The following PEX26 variants were observed in gnomAD, a reference collection of about 807,000 sequenced individuals.
PEX26 encodes peroxisomal biogenesis factor 26, also known as peroxisome assembly protein 26.
Under a neutral mutation model 31.4 loss-of-function variants are expected in PEX26, and 18 were observed. The observed-to-expected ratio is 0.57, with a 90% confidence interval of 0.40 to 0.85. The LOEUF is 0.85. PEX26 is among the 40% of genes least tolerant of loss of function. The pLI, the probability that PEX26 is intolerant of heterozygous loss-of-function variation, is 0.00. For synonymous variants in PEX26, 176 were observed against 166.9 expected, an observed-to-expected ratio of 1.05 and a Z score of -0.42; for missense variants, 377 against 383.9, an observed-to-expected ratio of 0.98 and a Z score of 0.15.
At chr22:18,087,706 C>G (rs949149904) in intron 4 of PEX26, among the ~76,000 whole-genome samples, 1 of 152,178 alleles carries the variant, frequency 6.6e-6, no homozygotes, top group Non-Finnish European at 1.5e-5. Flanking sequence ...GCAGCAGGCC[C>G]GACTCATTGG....
rs191578204 is a variant in PEX26 at position 18,101,936 on chromosome 22, T to C, written c.*13861T>C. 264 of 155,328 alleles carry C rather than the reference T, an allele frequency of 1.7e-3. No individual in the cohort carries two copies. Among genetic ancestry groups the C allele is most frequent in the Middle Eastern group, 9.2e-3 (3 of 326 alleles). The allele number at this position is 155,328 out of a possible 1,614,324, so 9.6% of individuals were successfully genotyped here. On this transcript the variant is annotated 3_prime_UTR_variant, in exon 5 of 5. Transcript: ENST00000399744. ...TGCCCAGAAGTCTCATCTTAGGTGG[T>C]TGAGTAGGAAGTTTGTGAAGCAGGT...
Position 18,102,235 on chromosome 22 carries a change from G to A in PEX26, c.*14160G>A, listed in dbSNP as rs1478493460. 1 of 152,250 alleles carries A rather than the reference G, an allele frequency of 6.6e-6. No individual in the cohort carries two copies. Among genetic ancestry groups the A allele is most frequent in the Non-Finnish European group, 1.5e-5 (1 of 68,106 alleles). The allele number at this position is 152,250 out of a possible 1,614,324, so 9.4% of individuals were successfully genotyped here. On this transcript the variant is annotated 3_prime_UTR_variant, in exon 5 of 5. Coordinates refer to ENST00000399744, the MANE Select transcript of PEX26 (RefSeq NM_001127649.3). ...ACAGCAGTCTGATTCAAAAGCACCT[G>A]AGAGATGGGAGGAGTACTAGGGTTA... is the stretch of plus-strand genomic sequence containing the variant.
chr22:18,085,104 CT>C lies in PEX26; in HGVS notation c.668-7del, dbSNP rs1399742637. 6.2e-7 allele frequency: 1 copy of C among 1,613,976 alleles called. No individual in the cohort carries two copies. The highest frequency in any genetic ancestry group is 1.7e-5 in the Admixed American group (1 of 60,014). ...ATCCCTGAAGCTGTGCTCTGTCTCC[CT>C]GGCCAGGCTCTGTCTCCCACAAGTT... is the stretch of plus-strand genomic sequence containing the variant. On this transcript the variant is annotated splice_region_variant and splice_polypyrimidine_tract_variant and intron_variant, in intron 3 of 4. Coordinates refer to ENST00000399744, the MANE Select transcript of PEX26 (RefSeq NM_001127649.3).
At chr22:18,086,077 C>T (rs1033116607) in intron 4 of PEX26, among the ~76,000 whole-genome samples, 2 of 151,982 alleles carry the variant, frequency 1.3e-5, no homozygotes, top group African/African-American at 4.8e-5. Flanking sequence ...GAGGGTGGAT[C>T]ACCTGAGGTC....
intron 4 of PEX26, among the ~76,000 whole-genome samples, chr22:18,087,053 C>T (rs1926869703): frequency 6.6e-6 from 1 of 152,128 alleles, no homozygotes; most frequent in Admixed American, 6.5e-5. Flanking sequence ...ACTGGGACTA[C>T]AGGCATGTGC....
rs767551808 is a variant in PEX26, at chr22:18,078,492, A to C, written c.116A>C (p.Glu39Ala). ...PARAPAVDLL[E>A]EAADLLVVHL... ...CGGGCGCCGGCCGTGGACCTTCTGGAGGAGGCGGCCGACCTCCTGGTGGTG... is the reference window on the plus strand; with the variant it reads ...CGGGCGCCGGCCGTGGACCTTCTGGCGGAGGCGGCCGACCTCCTGGTGGTG... The change falls in exon 1 of 5, where the codon GAG (glutamate) becomes GCG (alanine). Residue 39 changes from glutamate to alanine, a missense_variant. Transcript: ENST00000399744. The C allele has an allele frequency of 6.4e-7, 1 of 1,571,968 alleles. No homozygotes were observed.
intron 2 of PEX26, among the ~76,000 whole-genome samples, 196 bp downstream of exon 2, chr22:18,080,210 T>C (rs1926501862): frequency 6.6e-6 from 1 of 151,982 alleles, no homozygotes; most frequent in Non-Finnish European, 1.5e-5. Flanking sequence ...AGAATAGATA[T>C]AAAGAAGGGA....
rs757200331 is a variant in PEX26 at position 18,078,609 on chromosome 22, A to G, written c.230+3A>G. ...GTGGCAGAGGAACCCGCGGGCACGTACGTGCTGGGCTCGGAAATGAACCGA... is the reference window on the plus strand; with the variant it reads ...GTGGCAGAGGAACCCGCGGGCACGTGCGTGCTGGGCTCGGAAATGAACCGA... On this transcript the variant is annotated splice_donor_region_variant and intron_variant, in intron 1 of 4. Transcript: ENST00000399744. The G allele has an allele frequency of 3.8e-6, 6 of 1,597,600 alleles. No individual in the cohort carries two copies. In the Admixed American group the frequency reaches 8.5e-5, roughly 23 times the overall value.
intron 3 of PEX26, 138 bp downstream of exon 3, chr22:18,083,870 C>A: frequency 1.2e-6 from 1 of 812,004 alleles, no homozygotes; most frequent in South Asian, 1.6e-5. Flanking sequence ...AATAGGAGGC[C>A]TGTTGATTTG....
At chr22:18,085,733 G>T (rs895617904) in intron 4 of PEX26, among the ~76,000 whole-genome samples, 1 of 152,138 alleles carries the variant, frequency 6.6e-6, no homozygotes, top group South Asian at 2.1e-4. Flanking sequence ...TTAGCCAGGT[G>T]TAGTGGCACA....
At chr22:18,083,210 C>G (rs1926689566) in intron 2 of PEX26, among the ~76,000 whole-genome samples, 1 of 152,186 alleles carries the variant, frequency 6.6e-6, no homozygotes, top group African/African-American at 2.4e-5. Context: ...GCATCTTTGT[C>G]TTGCTCCTGA....
rs892829887 is a variant in PEX26, at chr22:18,083,803, G to A, written c.667+71G>A. On this transcript the variant is annotated intron_variant, in intron 3 of 4. Coordinates refer to ENST00000399744, the MANE Select transcript of PEX26 (RefSeq NM_001127649.3). ...CTTGCACTGTACCTCGGGGTCTGTC[G>A]TGAAACTCCTGCGAGCTTAGAAGCA... 2.3e-5 allele frequency: 33 copies of A among 1,414,916 alleles called. No individual in the cohort carries two copies. In the Admixed American group the frequency reaches 4.7e-4, roughly 20 times the overall value. 87.6% of individuals were successfully genotyped at this position (1,414,916 alleles called of 1,614,324 possible). A position where few individuals can be genotyped will look rare whatever the true frequency, so the allele number is the denominator to read the frequency against.
Position 18,078,017 on chromosome 22 carries a change from A to C in PEX26, c.-360A>C. ...GCGGCTGCGGGGCTGGGCGAGCGCA[A>C]AGATGTCCGCGCCCGCTGCCGGGAG... On this transcript the variant is annotated 5_prime_UTR_variant, in exon 1 of 5. Coordinates refer to ENST00000399744, the MANE Select transcript of PEX26 (RefSeq NM_001127649.3). 2.1e-6 allele frequency: 1 copy of C among 466,632 alleles called. No homozygotes were observed. Among genetic ancestry groups the C allele is most frequent in the Admixed American group, 2.4e-5 (1 of 40,982 alleles). The allele number at this position is 466,632 out of a possible 1,614,324, so 28.9% of individuals were successfully genotyped here. A position where few individuals can be genotyped will look rare whatever the true frequency, so the allele number is the denominator to read the frequency against.
Position 18,083,564 on chromosome 22 carries a change from G to A in PEX26, c.499G>A (p.Val167Met). 1 of 1,614,076 alleles carries A rather than the reference G, an allele frequency of 6.2e-7. No individual in the cohort carries two copies. Among genetic ancestry groups the A allele is most frequent in the East Asian group, 2.2e-5 (1 of 44,890 alleles). ...CTTGGCAGAATTTCACGTGCAGCGG[G>A]TGCTGCTGCCTCTGGGCTGCTTATC... ...GALAEFHVQR[V>M]LLPLGCLSEA... Residue 167 changes from valine (V) to methionine (M), a missense_variant, in exon 3 of 5, where the codon GTG (valine) becomes ATG (methionine). Transcript: ENST00000399744.
chr22:18,079,818 GGGAATGGAAAT>G, intron 1 of PEX26, 45 bp from the exon 2 acceptor site: 1 of 1,604,810 alleles, frequency 6.2e-7, no homozygotes, highest in African/African-American at 1.3e-5. Context: ...AGGTGGAGGT[GGGAATGGAAAT>G]GGAGGGGAAC....
chr22:18,089,820 G>C lies in PEX26; in HGVS notation c.*1745G>C, dbSNP rs1488456382. ...GGGTTCATGCCATTCTCCTGCCTCAGCCTCCCGAGTAGCTGGGACTACAGG... is the reference window on the plus strand; with the variant it reads ...GGGTTCATGCCATTCTCCTGCCTCACCCTCCCGAGTAGCTGGGACTACAGG... On this transcript the variant is annotated 3_prime_UTR_variant, in exon 5 of 5. Coordinates refer to ENST00000399744, the MANE Select transcript of PEX26 (RefSeq NM_001127649.3). The C allele has an allele frequency of 6.6e-6, 1 of 152,246 alleles. No homozygotes were observed. Among genetic ancestry groups the C allele is most frequent in the Non-Finnish European group, 1.5e-5 (1 of 68,120 alleles). The allele number at this position is 152,246 out of a possible 1,614,324, so 9.4% of individuals were successfully genotyped here. A position where few individuals can be genotyped will look rare whatever the true frequency, so the allele number is the denominator to read the frequency against.
At chr22:18,079,507 C>A (rs192957344) in intron 1 of PEX26, among the ~76,000 whole-genome samples, 1 of 152,298 alleles carries the variant, frequency 6.6e-6, no homozygotes, top group East Asian at 1.9e-4. Flanking sequence ...AAACCTTGCT[C>A]CAAGCCCATT....
chr22:18,085,143 G>A lies in PEX26; in HGVS notation c.699G>A (p.Pro233=), dbSNP rs753221766. 7.4e-6 allele frequency: 12 copies of A among 1,613,972 alleles called. No homozygotes were observed. Among genetic ancestry groups the A allele is most frequent in the South Asian group, 2.2e-5 (2 of 91,082 alleles). Residue 233 remains proline (P), a synonymous_variant, in exon 4 of 5, where the codon CCG becomes CCA. Transcript: ENST00000399744. The stretch of plus-strand genomic sequence containing the variant: ...TCTCCCACAAGTTCCTGTCACTACC[G>A]ATGTTGGTTCGCCAGCTTTGGGACT... ...GSVSHKFLSL[P]MLVRQLWDSA... is the part of the protein sequence containing the mutation.
chr22:18,082,037 G>A (rs1470642914), intron 2 of PEX26, among the ~76,000 whole-genome samples: 1 of 147,088 alleles, frequency 6.8e-6, no homozygotes, highest in African/African-American at 2.5e-5. Context: ...AATGTCTGTT[G>A]AGGTCTTTTT....
Sources: allele counts gnomAD v4.1 joint callset (sites outside exome capture counted in the v4.1 genomes callset), GRCh38; gene constraint gnomAD v4.1.1; transcripts MANE v1.5; gene names NCBI Gene and HGNC (gene_info 2026-07-23, HGNC 2026-07-21).